TIAM1: variants seen among roughly 807,000 people sequenced by gnomAD.
TIAM1 encodes the protein TIAM Rac1 associated GEF 1.
Under a neutral mutation model 163.5 loss-of-function variants are expected in TIAM1, and 65 were observed. The ratio of observed to expected loss-of-function variants is 0.40; its 90% CI spans 0.33 to 0.49. TIAM1 has a LOEUF of 0.49. Among genes scored for constraint, TIAM1 ranks in the 20% least tolerant of loss-of-function variants. The probability of loss-of-function intolerance (pLI) is 0.77; values close to 1 mark genes in which losing one functional copy is unlikely to be tolerated. For missense variants in TIAM1, 1,789 were observed against 2,044.7 expected (o/e 0.87, Z 2.41); for synonymous variants, 833 against 810.1 (o/e 1.03, Z -0.48).
chr21:31,401,376 GA>G (rs1245910304), intron 2 of TIAM1, among the ~76,000 whole-genome samples: 2 of 152,118 alleles, frequency 1.3e-5, no homozygotes, highest in Non-Finnish European at 2.9e-5. Context: ...TTTTAACTGG[GA>G]AAAGCTGGAA....
chr21:31,323,601 C>T (rs1216796576), intron 2 of TIAM1, among the ~76,000 whole-genome samples: 2 of 151,968 alleles, frequency 1.3e-5, no homozygotes, highest in Non-Finnish European at 1.5e-5. Context: ...GAGGCCGAGG[C>T]GGGTGGATCA....
chr21:31,224,055 T>C lies in TIAM1; in HGVS notation c.1810-464A>G, dbSNP rs778937402. ...CACAGGGTGGAAGTGGAACACAAGA[T>C]GGTGGAGACCCAGACTCTGGAATAC... On this transcript the variant is annotated intron_variant, in intron 7 of 27. Transcript: ENST00000541036. Among the ~76,000 whole-genome samples the C allele has an allele frequency of 7.4e-4, 113 of 152,158 alleles. 1 individual carries two copies. Among genetic ancestry groups the C allele is most frequent in the Admixed American group, 1.2e-3 (19 of 15,278 alleles).
At chr21:31,392,494 C>A (rs552875226) in intron 2 of TIAM1, among the ~76,000 whole-genome samples, 1 of 147,580 alleles carries the variant, frequency 6.8e-6, no homozygotes, top group Non-Finnish European at 1.5e-5. Context: ...CGCTTGAACC[C>A]GGGAGGCAAA....
At chr21:31,378,236 T>C (rs1025438176) in intron 2 of TIAM1, among the ~76,000 whole-genome samples, 5 of 149,628 alleles carry the variant, frequency 3.3e-5, no homozygotes, top group Non-Finnish European at 7.4e-5. Context: ...GAGCCCAGAA[T>C]CCTGGGGGCC....
At chr21:31,409,847 T>C (rs2077315201) in intron 2 of TIAM1, among the ~76,000 whole-genome samples, 1 of 151,724 alleles carries the variant, frequency 6.6e-6, no homozygotes, top group African/African-American at 2.4e-5. Flanking sequence ...CCAAAAGCAA[T>C]GAGAGCTAGG....
intron 2 of TIAM1, among the ~76,000 whole-genome samples, chr21:31,426,255 A>G (rs549845404): frequency 6.6e-6 from 1 of 152,218 alleles, no homozygotes; most frequent in East Asian, 1.9e-4. Context: ...TAACACTTTG[A>G]GTAGCTGGCG....
intron 1 of TIAM1, among the ~76,000 whole-genome samples, chr21:31,474,985 A>G (rs2833418): frequency 0.68 from 102,994 of 150,578 alleles, 35,819 homozygotes; most frequent in African/African-American, 0.73. Flanking sequence ...CAGGATTTGA[A>G]TTGCAGCCGC....
chr21:31,138,315 C>G (rs571422958), intron 22 of TIAM1, among the ~76,000 whole-genome samples: 1 of 152,306 alleles, frequency 6.6e-6, no homozygotes, highest in South Asian at 2.1e-4. Flanking sequence ...CAGCTTTGTT[C>G]TCTGTGAACC....
intron 1 of TIAM1, among the ~76,000 whole-genome samples, chr21:31,522,014 GGC>G (rs1469748932): frequency 6.6e-6 from 1 of 151,784 alleles, no homozygotes; most frequent in Non-Finnish European, 1.5e-5. Flanking sequence ...TGGGACTAGA[GGC>G]GCCTGCAACC....
intron 6 of TIAM1, among the ~76,000 whole-genome samples, chr21:31,228,060 G>A (rs1264307348): frequency 1.4e-5 from 2 of 146,796 alleles, no homozygotes; most frequent in African/African-American, 2.6e-5. Context: ...GTGCCACCAC[G>A]CCCAGCTAAT....
chr21:31,265,201 C>CTTTT (rs781091105), intron 4 of TIAM1, among the ~76,000 whole-genome samples: 16 of 109,980 alleles, frequency 1.5e-4, no homozygotes, highest in Non-Finnish European at 2.2e-4. Flanking sequence ...CTTTCAAAAT[C>CTTTT]TTTTTTTTTT....
chr21:31,368,666 C>A (rs1318443059), intron 2 of TIAM1, among the ~76,000 whole-genome samples: 2 of 152,128 alleles, frequency 1.3e-5, no homozygotes, highest in Non-Finnish European at 2.9e-5. Flanking sequence ...ATTTGACCGT[C>A]CCCAGTATAC....
At chr21:31,556,217 G>A (rs2048873715) in intron 1 of TIAM1, among the ~76,000 whole-genome samples, 1 of 152,176 alleles carries the variant, frequency 6.6e-6, no homozygotes, top group Admixed American at 6.5e-5. Flanking sequence ...ATTTCTGAGA[G>A]TTCAACTTTA....
chr21:31,502,196 G>T (rs1254976688), intron 1 of TIAM1, among the ~76,000 whole-genome samples: 1 of 152,106 alleles, frequency 6.6e-6, no homozygotes. Flanking sequence ...GAAAAAAAAA[G>T]GTAAAAGGAG....
intron 6 of TIAM1, 127 bp downstream of exon 6, chr21:31,245,361 A>T: frequency 2.8e-6 from 2 of 708,776 alleles, no homozygotes; most frequent in Non-Finnish European, 3.9e-6. Flanking sequence ...GCAACAGATT[A>T]ATCTCACCAC....
chr21:31,210,018 G>T (rs1322559419), intron 11 of TIAM1, 27 bp downstream of exon 11: 1 of 1,601,004 alleles, frequency 6.2e-7, no homozygotes, highest in South Asian at 1.1e-5. Context: ...GCTCTTCTTG[G>T]AGAAACAACC....
intron 2 of TIAM1, among the ~76,000 whole-genome samples, chr21:31,283,925 C>G (rs750560864): frequency 2.0e-5 from 3 of 152,158 alleles, no homozygotes; most frequent in Non-Finnish European, 4.4e-5. Flanking sequence ...CCATGGAATG[C>G]TAGAACACAG....
In TIAM1 at chr21:31,350,670, C is replaced by A. The variant is rs1324826970; in HGVS notation, c.-368-11248G>T. Among the ~76,000 whole-genome samples, 7 of 152,286 alleles carry A rather than the reference C, an allele frequency of 4.6e-5. No homozygotes were observed. The East Asian group carries it at 1.4e-3, about 29-fold the overall frequency. ...ATGTCTGCTCCTGCTTCTCTTTCTG[C>A]CATAACTGTAAGTTTTCTGAGGTCT... On this transcript the variant is annotated intron_variant, in intron 2 of 28. Coordinates refer to the TIAM1 transcript ENST00000286827.
At chr21:31,214,711 G>C (rs1195308201) in intron 9 of TIAM1, among the ~76,000 whole-genome samples, 2 of 152,126 alleles carry the variant, frequency 1.3e-5, no homozygotes, top group African/African-American at 4.8e-5. Context: ...CCTAAAACAA[G>C]AATGTAGTAT....
Sources: gnomAD v4.1 joint callset for allele counts (sites outside exome capture counted in the v4.1 genomes callset) on GRCh38, gnomAD v4.1.1 for gene constraint, MANE v1.5 for transcripts, NCBI Gene and HGNC (gene_info 2026-07-23, HGNC 2026-07-21) for gene names.